HOXA1: variants seen among roughly 807,000 people sequenced by gnomAD.
The protein encoded by HOXA1 is homeobox protein Hox-A1.
In HOXA1, 21 loss-of-function variants were observed where a neutral mutation model predicts 28.3. The ratio of observed to expected loss-of-function variants is 0.74; its 90% confidence interval spans 0.53 to 1.07. The LOEUF (loss-of-function observed/expected upper bound fraction) is 1.07. Ranked by LOEUF, HOXA1 falls within the 50% of genes least tolerant of loss-of-function variation. The pLI, the probability that HOXA1 is intolerant of heterozygous loss-of-function variation, is 0.00. For synonymous variants in HOXA1, 208 were observed against 181.2 expected (o/e 1.15, Z -1.19); for missense variants, 446 against 434.3 (o/e 1.03, Z -0.24).
rs1783754644 is a variant in HOXA1, at chr7:27,093,861, G to C, written c.*579C>G. 1 of 154,524 alleles carries C rather than the reference G, an allele frequency of 6.5e-6. No individual in the cohort carries two copies. Among genetic ancestry groups the C allele is most frequent in the Non-Finnish European group, 1.4e-5 (1 of 69,330 alleles). The allele number at this position is 154,524 out of a possible 1,614,324, so 9.6% of individuals were successfully genotyped here. ...CCAGTTTAGAGAGTTTGCCCACCCT[G>C]TTTTAGTAACCTAAACATTTCTAGA... On this transcript the variant is annotated 3_prime_UTR_variant, in exon 2 of 2. Coordinates refer to ENST00000643460, the MANE Select transcript of HOXA1 (RefSeq NM_005522.5).
chr7:27,095,790 C>T lies in HOXA1; in HGVS notation c.123G>A (p.Ala41=). 2 of 1,613,446 alleles carry T rather than the reference C, an allele frequency of 1.2e-6. No homozygotes were observed. The highest frequency in any genetic ancestry group is 1.7e-6 in the Non-Finnish European group (2 of 1,179,574). Residue 41 remains alanine, a synonymous_variant, in exon 1 of 2, where the codon GCG becomes GCA. Coordinates refer to ENST00000643460, the MANE Select transcript of HOXA1 (RefSeq NM_005522.5). Reference sequence around the variant, plus strand: ...CGCCGCCGCAACTGTTGGCGCTGACCGCGCACGACTGGAAAGTTGTAATCC... The same window carrying T: ...CGCCGCCGCAACTGTTGGCGCTGACTGCGCACGACTGGAAAGTTGTAATCC... ...DHRITTFQSC[A]VSANSCGGDD...
rs373337108 is a variant in HOXA1 at position 27,094,626 on chromosome 7, C to G, written c.822G>C (p.Lys274Asn). The change falls in exon 2 of 2, where the codon AAG becomes AAC. Residue 274 changes from lysine to asparagine, a missense_variant. Physicochemically the swap from Lys to Asn is moderately conservative, Grantham distance 94. Coordinates refer to ENST00000643460, the MANE Select transcript of HOXA1 (RefSeq NM_005522.5). ...TCATTCGGCGGTTCTGGAACCAGAT[C>G]TTCACTTGGGTCTCGTTGAGCTGCA... Reference protein sequence around the residue: ...ASLQLNETQVKIWFQNRRMKQ... With the variant: ...ASLQLNETQVNIWFQNRRMKQ... 71 of 1,614,068 alleles carry G rather than the reference C, an allele frequency of 4.4e-5. No individual in the cohort carries two copies. The highest frequency in any genetic ancestry group is 5.8e-5 in the Non-Finnish European group (69 of 1,180,016).
chr7:27,094,436 C>T lies in HOXA1; in HGVS notation c.*4G>A, dbSNP rs1322989001. 1.2e-6 allele frequency: 2 copies of T among 1,604,538 alleles called. No individual in the cohort carries two copies. Among genetic ancestry groups the T allele is most frequent in the Non-Finnish European group, 8.5e-7 (1 of 1,171,474 alleles). On this transcript the variant is annotated 3_prime_UTR_variant, in exon 2 of 2. Transcript: ENST00000643460. ...CTGGGCTGTTGTCTGGGGCTGGAGC[C>T]GCCTCAGTGGGAGGTAGTCAGAGTG... is the stretch of plus-strand genomic sequence containing the variant.
Position 27,095,851 on chromosome 7 carries a change from C to T in HOXA1, c.62G>A (p.Gly21Glu), listed in dbSNP as rs1783814396. 7.4e-6 allele frequency: 12 copies of T among 1,613,826 alleles called. No homozygotes were observed. Among genetic ancestry groups the T allele is most frequent in the Admixed American group, 1.7e-5 (1 of 60,006 alleles). The change falls in exon 1 of 2, where the codon GGG (glycine) becomes GAG (glutamate). Residue 21 changes from glycine (G) to glutamate (E), a missense_variant. By Grantham distance (98) the Gly-to-Glu change is moderately conservative. Coordinates refer to ENST00000643460, the MANE Select transcript of HOXA1 (RefSeq NM_005522.5). ...GGGGTAGGCTCGGGCTGAGCAGGTCCCCGAGTCGCCACTGCTAAGTATGGG... is the reference window on the plus strand; with the variant it reads ...GGGGTAGGCTCGGGCTGAGCAGGTCTCCGAGTCGCCACTGCTAAGTATGGG... ...EYPILSSGDS[G>E]TCSARAYPSD...
rs960142176 is a variant in HOXA1, at chr7:27,095,970, T to C, written c.-58A>G. On this transcript the variant is annotated 5_prime_UTR_variant, in exon 1 of 2. Coordinates refer to ENST00000643460, the MANE Select transcript of HOXA1 (RefSeq NM_005522.5). ...GGCGTGACTGTGCCAACTTTCTCAC[T>C]TCCTCCATGGGGCCGGAGAAGAAAA... The C allele has an allele frequency of 3.3e-6, 4 of 1,201,154 alleles. No individual in the cohort carries two copies. The Middle Eastern group carries it at 7.2e-4, about 218-fold the overall frequency. The allele number at this position is 1,201,154 out of a possible 1,614,324, so 74.4% of individuals were successfully genotyped here.
chr7:27,095,874 G>A lies in HOXA1; in HGVS notation c.39C>T (p.Pro13=). 1 of 1,613,840 alleles carries A rather than the reference G, an allele frequency of 6.2e-7. No homozygotes were observed. Among genetic ancestry groups the A allele is most frequent in the Non-Finnish European group, 8.5e-7 (1 of 1,179,990 alleles). Reference sequence around the variant, plus strand: ...TCCCCGAGTCGCCACTGCTAAGTATGGGGTATTCCAGGAAGGAGTTCATTC... The same window carrying A: ...TCCCCGAGTCGCCACTGCTAAGTATAGGGTATTCCAGGAAGGAGTTCATTC... ...NARMNSFLEY[P]ILSSGDSGTC... Residue 13 remains proline (P), a synonymous_variant, in exon 1 of 2, where the codon CCC becomes CCT. Transcript: ENST00000643460.
Position 27,095,248 on chromosome 7 carries a change from C to G in HOXA1, c.652+13G>C, listed in dbSNP as rs1227933834. ...GAATAATCAAGGAGCATCCACCAAC[C>G]AGCAGGACTGACCTGTTTTGGGAGG... On this transcript the variant is annotated intron_variant, in intron 1 of 1. Coordinates refer to ENST00000643460, the MANE Select transcript of HOXA1 (RefSeq NM_005522.5). The G allele has an allele frequency of 6.2e-7, 1 of 1,613,850 alleles. No individual in the cohort carries two copies. Among genetic ancestry groups the G allele is most frequent in the Admixed American group, 1.7e-5 (1 of 60,022 alleles).
rs777153568 is a variant in HOXA1, at chr7:27,095,717, G to A, written c.196C>T (p.His66Tyr). 19 of 1,612,986 alleles carry A rather than the reference G, an allele frequency of 1.2e-5. No individual in the cohort carries two copies. In the Admixed American group the frequency reaches 3.2e-4, roughly 27 times the overall value. Residue 66 changes from histidine to tyrosine, a missense_variant, in exon 1 of 2, where the codon CAC becomes TAC. His to Tyr is a moderately conservative substitution (Grantham distance 83). Transcript: ENST00000643460. Reference protein sequence around the residue: ...GRGVQIGSPHHHHHHHHRHPQ... With the variant: ...GRGVQIGSPHYHHHHHHRHPQ... Reference sequence around the variant, plus strand: ...TGGCGATGGTGGTGGTGGTGGTGGTGGTGGGGCGAACCGATCTGCACCCCC... The same window carrying A: ...TGGCGATGGTGGTGGTGGTGGTGGTAGTGGGGCGAACCGATCTGCACCCCC...
rs1783770299 is a variant in HOXA1 at position 27,094,504 on chromosome 7, C to T, written c.944G>A (p.Ser315Asn). The change falls in exon 2 of 2, where the codon AGC (serine) becomes AAC (asparagine). Residue 315 changes from serine (S) to asparagine (N), a missense_variant. Transcript: ENST00000643460. ...EKAEESSEKSSSSPCVPSPGS... is the reference protein window; with the variant it reads ...EKAEESSEKSNSSPCVPSPGS... Reference sequence around the variant, plus strand: ...CGGGGAAGGAACGCAGGGCGAAGAGCTGGACTTCTCTGAGGATTCCTCGGC... The same window carrying T: ...CGGGGAAGGAACGCAGGGCGAAGAGTTGGACTTCTCTGAGGATTCCTCGGC... 6.8e-6 allele frequency: 11 copies of T among 1,614,222 alleles called. No homozygotes were observed. The highest frequency in any genetic ancestry group is 9.3e-6 in the Non-Finnish European group (11 of 1,180,040).
Position 27,095,849 on chromosome 7 carries a change from T to C in HOXA1, c.64A>G (p.Thr22Ala), listed in dbSNP as rs1354528108. 1 of 1,613,704 alleles carries C rather than the reference T, an allele frequency of 6.2e-7. No homozygotes were observed. Among genetic ancestry groups the C allele is most frequent in the African/African-American group, 1.3e-5 (1 of 74,900 alleles). The change falls in exon 1 of 2, where the codon ACC (threonine) becomes GCC (alanine). Residue 22 changes from threonine (T) to alanine (A), a missense_variant. Transcript: ENST00000643460. Reference protein sequence around the residue: ...YPILSSGDSGTCSARAYPSDH... With the variant: ...YPILSSGDSGACSARAYPSDH... ...GAGGGGTAGGCTCGGGCTGAGCAGG[T>C]CCCCGAGTCGCCACTGCTAAGTATG...
In HOXA1 at chr7:27,093,640, C is replaced by G. The variant is rs1783750930; in HGVS notation, c.*800G>C. On this transcript the variant is annotated 3_prime_UTR_variant, in exon 2 of 2. Coordinates refer to ENST00000643460, the MANE Select transcript of HOXA1 (RefSeq NM_005522.5). ...AATAATACTTTTAGGTTCTGAATAACCCAGCACAAATTTTAAACAGAGGGT... is the reference window on the plus strand; with the variant it reads ...AATAATACTTTTAGGTTCTGAATAAGCCAGCACAAATTTTAAACAGAGGGT... The G allele has an allele frequency of 6.6e-6, 1 of 152,352 alleles. No homozygotes were observed. The highest frequency in any genetic ancestry group is 1.5e-5 in the Non-Finnish European group (1 of 68,002). The allele number at this position is 152,352 out of a possible 1,614,324, so 9.4% of individuals were successfully genotyped here.
chr7:27,095,678 T>C lies in HOXA1; in HGVS notation c.235A>G (p.Thr79Ala), dbSNP rs760765803. The change falls in exon 1 of 2, where the codon ACC (threonine) becomes GCC (alanine). Residue 79 changes from threonine to alanine, a missense_variant. Thr to Ala is a moderately conservative substitution (Grantham distance 58). Transcript: ENST00000643460. Reference sequence around the variant, plus strand: ...CCCAGGTTCCCGGAAGTCTGGTAGGTAGCCGGCTGGGGGTGGCGATGGTGG... The same window carrying C: ...CCCAGGTTCCCGGAAGTCTGGTAGGCAGCCGGCTGGGGGTGGCGATGGTGG... ...HHHHRHPQPA[T>A]YQTSGNLGVS... 2.4e-5 allele frequency: 38 copies of C among 1,613,404 alleles called. No homozygotes were observed. The highest frequency in any genetic ancestry group is 3.2e-5 in the Non-Finnish European group (38 of 1,179,856).
In HOXA1 at chr7:27,095,961, C is replaced by G; in HGVS notation, c.-49G>C. The stretch of plus-strand genomic sequence containing the variant: ...GCGAAGCCCGGCGTGACTGTGCCAA[C>G]TTTCTCACTTCCTCCATGGGGCCGG... On this transcript the variant is annotated 5_prime_UTR_variant, in exon 1 of 2. Coordinates refer to ENST00000643460, the MANE Select transcript of HOXA1 (RefSeq NM_005522.5). The G allele has an allele frequency of 7.6e-7, 1 of 1,309,550 alleles. No homozygotes were observed. The highest frequency in any genetic ancestry group is 1.0e-6 in the Non-Finnish European group (1 of 968,104). 81.1% of individuals were successfully genotyped at this position (1,309,550 alleles called of 1,614,324 possible). A position where few individuals can be genotyped will look rare whatever the true frequency, so the allele number is the denominator to read the frequency against.
rs146737549 is a variant in HOXA1 at position 27,095,771 on chromosome 7, C to T, written c.142G>A (p.Gly48Ser). 1 of 1,613,124 alleles carries T rather than the reference C, an allele frequency of 6.2e-7. No homozygotes were observed. The highest frequency in any genetic ancestry group is 8.5e-7 in the Non-Finnish European group (1 of 1,179,404). The change falls in exon 1 of 2, where the codon GGC becomes AGC. Residue 48 changes from glycine to serine, a missense_variant. Coordinates refer to ENST00000643460, the MANE Select transcript of HOXA1 (RefSeq NM_005522.5). ...CCCACTAGGAAGCGGTCGTCGCCGC[C>T]GCAACTGTTGGCGCTGACCGCGCAC... ...QSCAVSANSC[G>S]GDDRFLVGRG...
chr7:27,095,913 C>CTTGCATTGTTCATTCTTGCAT lies in HOXA1; in HGVS notation c.-2_-1insATGCAAGAATGAACAATGCAA. On this transcript the variant is annotated 5_prime_UTR_variant, in exon 1 of 2. In the 5' UTR this introduces an upstream ATG that the reference lacks. Transcript: ENST00000643460. ...AGGAGTTCATTCTTGCATTGTCCAT[C>CTTGCATTGTTCATTCTTGCAT]TGTCACTGAGTGACCTGGTCCTGCG... 1 of 1,612,742 alleles carries CTTGCATTGTTCATTCTTGCAT rather than the reference C, an allele frequency of 6.2e-7. No individual in the cohort carries two copies. Among genetic ancestry groups the CTTGCATTGTTCATTCTTGCAT allele is most frequent in the South Asian group, 1.1e-5 (1 of 91,046 alleles).
At position 27,094,219 on chromosome 7, in the gene HOXA1, T is replaced by C; in HGVS notation, c.*221A>G. 3.6e-6 allele frequency: 2 copies of C among 555,680 alleles called. No individual in the cohort carries two copies. The highest frequency in any genetic ancestry group is 4.2e-5 in the South Asian group (2 of 47,324). 34.4% of individuals were successfully genotyped at this position (555,680 alleles called of 1,614,324 possible). ...AGGGATGTTAAGGCCCACCAGAAAA[T>C]GTATGCTGGCACCCAATCTGGATGA... On this transcript the variant is annotated 3_prime_UTR_variant, in exon 2 of 2. Transcript: ENST00000643460.
In HOXA1 at chr7:27,094,559, G is replaced by A. The variant is rs1469483457; in HGVS notation, c.889C>T (p.Pro297Ser). 1 of 1,614,184 alleles carries A rather than the reference G, an allele frequency of 6.2e-7. No individual in the cohort carries two copies. Among genetic ancestry groups the A allele is most frequent in the Non-Finnish European group, 8.5e-7 (1 of 1,180,024 alleles). The change falls in exon 2 of 2, where the codon CCG (proline) becomes TCG (serine). Residue 297 changes from proline to serine, a missense_variant. Transcript: ENST00000643460. ...REKEGLLPISPATPPGNDEKA... is the reference protein window; with the variant it reads ...REKEGLLPISSATPPGNDEKA... ...TCGTCGTTTCCTGGCGGGGTGGCCG[G>A]AGAGATGGGCAAGAGACCCTCCTTC...
chr7:27,094,558 G>A lies in HOXA1; in HGVS notation c.890C>T (p.Pro297Leu), dbSNP rs777453698. The A allele has an allele frequency of 1.9e-6, 3 of 1,614,168 alleles. No individual in the cohort carries two copies. The highest frequency in any genetic ancestry group is 1.7e-5 in the Admixed American group (1 of 60,024). The change falls in exon 2 of 2, where the codon CCG (proline) becomes CTG (leucine). Residue 297 changes from proline to leucine, a missense_variant. Physicochemically the swap from Pro to Leu is moderately conservative, Grantham distance 98 (BLOSUM62 -3). Transcript: ENST00000643460. ...CTCGTCGTTTCCTGGCGGGGTGGCCGGAGAGATGGGCAAGAGACCCTCCTT... is the reference window on the plus strand; with the variant it reads ...CTCGTCGTTTCCTGGCGGGGTGGCCAGAGAGATGGGCAAGAGACCCTCCTT... ...REKEGLLPISPATPPGNDEKA... is the reference protein window; with the variant it reads ...REKEGLLPISLATPPGNDEKA...
At chr7:27,094,845 C>T (rs747572885) in intron 1 of HOXA1, 50 bp from the exon 2 acceptor site, 20 of 1,389,656 alleles carry the variant, frequency 1.4e-5, no homozygotes, top group East Asian at 2.3e-5. Flanking sequence ...ATTTTTAAAT[C>T]GACTTGAGAT....
Sources: allele counts gnomAD v4.1 joint callset, GRCh38; gene constraint gnomAD v4.1.1; transcripts MANE v1.5; gene names NCBI Gene and HGNC (gene_info 2026-07-23, HGNC 2026-07-21).